TMEM11: variants seen among roughly 807,000 people sequenced by gnomAD.
TMEM11 encodes the protein transmembrane protein 11.
TMEM11 carries 1 observed loss-of-function variant against 17.0 expected under a neutral mutation model. That is an observed-to-expected ratio of 0.06 (90% CI 0.02 to 0.28). The LOEUF (loss-of-function observed/expected upper bound fraction) is 0.28, where lower values mean the gene tolerates loss of function less well. TMEM11 is among the 10% of genes least tolerant of loss of function. The pLI is 1.00. For synonymous variants in TMEM11, 122 were observed against 118.1 expected (o/e 1.03, Z -0.21); for missense variants, 172 against 252.9 (o/e 0.68, Z 2.17).
At position 21,198,242 on chromosome 17, in the gene TMEM11, GC is replaced by G; in HGVS notation, c.*81del. 6.7e-7 allele frequency: 1 copy of G among 1,496,620 alleles called. No individual in the cohort carries two copies. The highest frequency in any genetic ancestry group is 9.0e-7 in the Non-Finnish European group (1 of 1,107,944). 92.7% of individuals were successfully genotyped at this position (1,496,620 alleles called of 1,614,324 possible). ...GCCAAACACCTGCCCAGGCTCTGCT[GC>G]CTCACAGAGTGTGGCGATCTGAATA... On this transcript the variant is annotated 3_prime_UTR_variant, in exon 2 of 2. Coordinates refer to ENST00000317635, the MANE Select transcript of TMEM11 (RefSeq NM_003876.3). This position sits in a 1 kb window ranked among gnomAD's most constrained non-coding sequence, Gnocchi z 6.5.
intron 1 of TMEM11, among the ~76,000 whole-genome samples, chr17:21,201,201 A>C (rs1056590739): frequency 1.3e-5 from 2 of 152,314 alleles, no homozygotes; most frequent in East Asian, 3.9e-4. Context: ...CTGTGCCCCC[A>C]AGCATGGGGA....
At chr17:21,212,558 T>A (rs1975014264) in intron 1 of TMEM11, among the ~76,000 whole-genome samples, 1 of 152,254 alleles carries the variant, frequency 6.6e-6, no homozygotes. Context: ...ATCCAGCCTA[T>A]GCACTGCTAA....
At chr17:21,203,710 A>AAAGAAAAAAAAAGAAAAAAG (rs2144296509) in intron 1 of TMEM11, among the ~76,000 whole-genome samples, 1 of 149,924 alleles carries the variant, frequency 6.7e-6, no homozygotes, top group Non-Finnish European at 1.5e-5. Flanking sequence ...AAAGAAAAAA[A>AAAGAAAAAAAAAGAAAAAAG]AAGAAAAAAG....
At chr17:21,206,076 G>A (rs1279179876) in intron 1 of TMEM11, among the ~76,000 whole-genome samples, 1 of 151,832 alleles carries the variant, frequency 6.6e-6, no homozygotes, top group Non-Finnish European at 1.5e-5. Context: ...CCCAGAAGTG[G>A]AACTGCTGGA....
intron 1 of TMEM11, among the ~76,000 whole-genome samples, chr17:21,212,402 G>A (rs1299092586): frequency 6.7e-6 from 1 of 149,396 alleles, no homozygotes; most frequent in East Asian, 2.0e-4. Context: ...TGTCAGGTGA[G>A]GAACCAAGAA....
chr17:21,206,047 TGG>T (rs35584579), intron 1 of TMEM11, among the ~76,000 whole-genome samples: 16 of 149,100 alleles, frequency 1.1e-4, no homozygotes, highest in South Asian at 2.1e-4. Flanking sequence ...CTGCTTTTTT[TGG>T]GGGGGGGGTA....
Position 21,198,864 on chromosome 17 carries a change from G to T in TMEM11, c.63-24C>A. 1 of 1,591,784 alleles carries T rather than the reference G, an allele frequency of 6.3e-7. No individual in the cohort carries two copies. Among genetic ancestry groups the T allele is most frequent in the Non-Finnish European group, 8.6e-7 (1 of 1,167,952 alleles). On this transcript the variant is annotated intron_variant, in intron 1 of 1. Coordinates refer to ENST00000317635, the MANE Select transcript of TMEM11 (RefSeq NM_003876.3). The surrounding 1 kb of genome is among the most constrained non-coding windows in gnomAD (Gnocchi z 6.5). ...CCCTTTTGATGGAGGGGGCAGGAAA[G>T]GGAGAGAGAGAGAGAGACAGGATGA...
At chr17:21,204,458 A>AAAAG (rs1555542254) in intron 1 of TMEM11, among the ~76,000 whole-genome samples, 76 of 146,858 alleles carry the variant, frequency 5.2e-4, no homozygotes, top group African/African-American at 1.8e-3. Flanking sequence ...AAAAAAAAAA[A>AAAAG]AGAGAAAAAG....
chr17:21,213,845 G>C, intron 1 of TMEM11: 3 of 383,230 alleles, frequency 7.8e-6, no homozygotes, highest in South Asian at 3.0e-5. Context: ...GCCCCGCCCC[G>C]CATGGCCGCT....
At chr17:21,203,827 T>G (rs1974910182) in intron 1 of TMEM11, among the ~76,000 whole-genome samples, 1 of 151,728 alleles carries the variant, frequency 6.6e-6, no homozygotes. Context: ...CAAAACCTAA[T>G]GAAGGAAAGA....
chr17:21,202,934 G>A (rs901309835), intron 1 of TMEM11, among the ~76,000 whole-genome samples: 3 of 152,206 alleles, frequency 2.0e-5, no homozygotes, highest in African/African-American at 2.4e-5. Context: ...CTGCAGCCTC[G>A]GCGTCTTCAT....
chr17:21,210,111 C>G lies in TMEM11; in HGVS notation c.62+3980G>C, dbSNP rs940518436. On this transcript the variant is annotated intron_variant, in intron 1 of 1. Transcript: ENST00000317635. ...GGCAGAGGAGCCACCTCCCCACCTCCGTGGACCCAGGCGCAGCCCTCCCCT... is the reference window on the plus strand; with the variant it reads ...GGCAGAGGAGCCACCTCCCCACCTCGGTGGACCCAGGCGCAGCCCTCCCCT... 2.6e-5 allele frequency among the ~76,000 whole-genome samples: 4 copies of G among 152,224 alleles called. No individual in the cohort carries two copies. In the East Asian group the frequency reaches 7.7e-4, roughly 29 times the overall value.
chr17:21,207,052 C>G (rs539634118), intron 1 of TMEM11, among the ~76,000 whole-genome samples: 6 of 152,288 alleles, frequency 3.9e-5, no homozygotes, highest in Admixed American at 2.0e-4. Context: ...CAGTCGGCTT[C>G]CCAACTCTCT....
At chr17:21,211,542 T>C (rs1432304475) in intron 1 of TMEM11, among the ~76,000 whole-genome samples, 1 of 152,262 alleles carries the variant, frequency 6.6e-6, no homozygotes, top group Non-Finnish European at 1.5e-5. Context: ...TCTAGAGCTG[T>C]GGTTCTAGAC....
intron 1 of TMEM11, among the ~76,000 whole-genome samples, chr17:21,203,278 G>C (rs1423126557): frequency 6.6e-6 from 1 of 152,218 alleles, no homozygotes. Flanking sequence ...GCCACGACCA[G>C]GCAGTCAGCA....
intron 1 of TMEM11, among the ~76,000 whole-genome samples, chr17:21,205,613 G>A (rs1974934018): frequency 1.3e-5 from 2 of 152,118 alleles, no homozygotes; most frequent in African/African-American, 4.8e-5. Flanking sequence ...CTAAGCACAT[G>A]CACACTGATG....
At chr17:21,205,697 C>A (rs1006389239) in intron 1 of TMEM11, among the ~76,000 whole-genome samples, 1 of 151,908 alleles carries the variant, frequency 6.6e-6, no homozygotes, top group African/African-American at 2.4e-5. Context: ...ATGAAATGAT[C>A]CCCCCATTCC....
chr17:21,198,224 A>G lies in TMEM11; in HGVS notation c.*100T>C. On this transcript the variant is annotated 3_prime_UTR_variant, in exon 2 of 2. Transcript: ENST00000317635. This position sits in a 1 kb window ranked among gnomAD's most constrained non-coding sequence, Gnocchi z 6.5. ...AAAAATAACAAATACTAAGCCAAAC[A>G]CCTGCCCAGGCTCTGCTGCCTCACA... 1 of 1,439,262 alleles carries G rather than the reference A, an allele frequency of 6.9e-7. No homozygotes were observed. Among genetic ancestry groups the G allele is most frequent in the Middle Eastern group, 2.1e-4 (1 of 4,774 alleles). The allele number at this position is 1,439,262 out of a possible 1,614,324, so 89.2% of individuals were successfully genotyped here. A position where few individuals can be genotyped will look rare whatever the true frequency, so the allele number is the denominator to read the frequency against.
Position 21,214,119 on chromosome 17 carries a change from C to T in TMEM11, c.34G>A (p.Gly12Ser), listed in dbSNP as rs761001376. 1.9e-6 allele frequency: 3 copies of T among 1,612,064 alleles called. No homozygotes were observed. Among genetic ancestry groups the T allele is most frequent in the African/African-American group, 1.3e-5 (1 of 74,888 alleles). ...TCTCGGGCGCTGCCGCCACTGCTGC[C>T]CGGGCCAAGACGCCTCCTTCCCCAA... ...AAWGRRRLGP[G>S]SSGGSARERV... Residue 12 changes from glycine (G) to serine (S), a missense_variant, in exon 1 of 2, where the codon GGC (glycine) becomes AGC (serine). Physicochemically the swap from Gly to Ser is moderately conservative, Grantham distance 56 (BLOSUM62 0). Around this residue, in one of 2 missense-constraint regions of TMEM11, gnomAD observed 49 missense variants for 39.3 expected, o/e 1.25. Coordinates refer to ENST00000317635, the MANE Select transcript of TMEM11 (RefSeq NM_003876.3).
Sources: gnomAD v4.1 joint callset for allele counts (sites outside exome capture counted in the v4.1 genomes callset) on GRCh38, gnomAD v4.1.1 for gene constraint, gnomAD v4.1.1 regional missense constraint, Gnocchi (gnomAD v3.1) non-coding constraint, MANE v1.5 for transcripts, NCBI Gene and HGNC (gene_info 2026-07-23, HGNC 2026-07-21) for gene names.